The following TRPC5 variants were observed in gnomAD, a reference collection of about 807,000 sequenced individuals.
TRPC5 encodes short transient receptor potential channel 5.
TRPC5 carries 9 observed loss-of-function variants against 56.5 expected under a neutral mutation model. The observed-to-expected ratio is 0.16, with a 90% confidence interval of 0.10 to 0.28. The LOEUF is 0.28. Among genes scored for constraint, TRPC5 ranks in the 10% least tolerant of loss-of-function variants. The pLI is 1.00. For missense variants in TRPC5, 469 were observed against 748.9 expected, an observed-to-expected ratio of 0.63 and a Z score of 4.36; for synonymous variants, 282 against 278.5, an observed-to-expected ratio of 1.01 and a Z score of -0.13.
At chrX:112,059,386 G>A (rs944509770) in intron 1 of TRPC5, among the ~76,000 whole-genome samples, 3 of 112,353 alleles carry the variant, frequency 2.7e-5, no homozygotes, top group Admixed American at 1.9e-4. Flanking sequence ...GGGCAGCAGA[G>A]CTTCTCCTTG....
rs752665657 is a variant in TRPC5, at chrX:111,775,575, AACAC to A, written c.*734_*737del. On this transcript the variant is annotated 3_prime_UTR_variant, in exon 11 of 11. Transcript: ENST00000262839. ...TTTTCAAATGTAGTAAGTTAACTGA[AACAC>A]ACAAACAGAAAAATAATTCGCCTAA... 1.3e-4 allele frequency: 14 copies of A among 111,367 alleles called. No homozygotes were observed. Among genetic ancestry groups the A allele is most frequent in the African/African-American group, 4.3e-4 (13 of 30,146 alleles). 9.2% of individuals were successfully genotyped at this position (111,367 alleles called of 1,213,427 possible). A position where few individuals can be genotyped will look rare whatever the true frequency, so the allele number is the denominator to read the frequency against.
chrX:111,821,923 C>A (rs1289611685), intron 7 of TRPC5, among the ~76,000 whole-genome samples: 2 of 111,117 alleles, frequency 1.8e-5, no homozygotes, highest in African/African-American at 6.6e-5. Flanking sequence ...TCCGGGGTAC[C>A]CTTTGGTTGG....
intron 1 of TRPC5, among the ~76,000 whole-genome samples, chrX:111,966,104 A>G (rs1417502377): frequency 8.9e-6 from 1 of 111,746 alleles, no homozygotes; most frequent in Non-Finnish European, 1.9e-5. Flanking sequence ...AGAAGAAAAG[A>G]GAGAAGAATC....
At chrX:112,053,678 A>G (rs1286604349) in intron 1 of TRPC5, among the ~76,000 whole-genome samples, 1 of 110,793 alleles carries the variant, frequency 9.0e-6, no homozygotes, top group Non-Finnish European at 1.9e-5. Context: ...GAGATATAGG[A>G]AGGGGGAGGA....
In TRPC5 at chrX:111,770,494, TTAAC is replaced by T. The variant is rs1398618102; in HGVS notation, c.*5815_*5818del. Among the ~76,000 whole-genome samples the T allele has an allele frequency of 8.9e-6, 1 of 112,315 alleles. No individual in the cohort carries two copies. The highest frequency in any genetic ancestry group is 3.2e-5 in the African/African-American group (1 of 30,854). Reference sequence around the variant, plus strand: ...AGAAATGATGATGCTAATGTTTTAATTAACCATTTTAAATTATATTTTTAATTCA... The same window carrying T: ...AGAAATGATGATGCTAATGTTTTAATCATTTTAAATTATATTTTTAATTCA... On this transcript the variant is annotated 3_prime_UTR_variant, in exon 11 of 11. Transcript: ENST00000262839.
At chrX:111,816,701 G>A (rs1194931551) in intron 7 of TRPC5, among the ~76,000 whole-genome samples, 1 of 111,077 alleles carries the variant, frequency 9.0e-6, no homozygotes, top group African/African-American at 3.3e-5. Context: ...GTGGGGTAAT[G>A]GTGAAGGGAG....
chrX:111,966,988 G>T (rs1927608115), intron 1 of TRPC5, among the ~76,000 whole-genome samples: 1 of 111,351 alleles, frequency 9.0e-6, no homozygotes, highest in Non-Finnish European at 1.9e-5. Flanking sequence ...GGGCAATTAG[G>T]CAGGAGAAGG....
intron 1 of TRPC5, among the ~76,000 whole-genome samples, chrX:112,065,298 G>A (rs1382885526): frequency 9.0e-6 from 1 of 110,772 alleles, no homozygotes; most frequent in Non-Finnish European, 1.9e-5. Context: ...TTATCATCAC[G>A]CTTATCTTAA....
intron 4 of TRPC5, among the ~76,000 whole-genome samples, chrX:111,852,918 A>C (rs1923124553): frequency 9.1e-6 from 1 of 110,117 alleles, no homozygotes; most frequent in Non-Finnish European, 1.9e-5. Context: ...TGGGGCCCAA[A>C]ATAATTTATA....
intron 7 of TRPC5, among the ~76,000 whole-genome samples, chrX:111,808,025 T>A (rs1045051003): frequency 2.0e-5 from 2 of 98,436 alleles, no homozygotes; most frequent in Admixed American, 1.1e-4. Flanking sequence ...TGGGGGGAGG[T>A]AACACAAGCA....
chrX:111,884,661 A>C (rs1924387305), intron 3 of TRPC5, among the ~76,000 whole-genome samples: 1 of 112,982 alleles, frequency 8.9e-6, no homozygotes, highest in African/African-American at 3.2e-5. Context: ...AAGACCTGAG[A>C]CTAGTTAAGA....
chrX:111,942,165 T>G (rs1926798999), intron 2 of TRPC5, among the ~76,000 whole-genome samples: 1 of 111,413 alleles, frequency 9.0e-6, no homozygotes, highest in African/African-American at 3.3e-5. Flanking sequence ...TGTTTAATTG[T>G]TGTTTTCGTA....
chrX:112,046,378 A>G (rs1270247704), intron 1 of TRPC5, among the ~76,000 whole-genome samples: 2 of 110,378 alleles, frequency 1.8e-5, no homozygotes, highest in African/African-American at 6.6e-5. Context: ...CTTTACTGCA[A>G]TGAGCAGTTT....
At chrX:111,817,575 C>T (rs1473087699) in intron 7 of TRPC5, among the ~76,000 whole-genome samples, 6 of 110,285 alleles carry the variant, frequency 5.4e-5, no homozygotes, top group South Asian at 3.9e-4. Flanking sequence ...CTGCCCGCCT[C>T]GGCCTCCCAA....
At chrX:111,883,322 C>T (rs948563386) in intron 3 of TRPC5, among the ~76,000 whole-genome samples, 2 of 112,297 alleles carry the variant, frequency 1.8e-5, no homozygotes, top group Non-Finnish European at 3.8e-5. Context: ...GGGACCTATT[C>T]AGGGCCAATG....
intron 7 of TRPC5, among the ~76,000 whole-genome samples, chrX:111,793,042 C>T (rs1946034633): frequency 9.0e-6 from 1 of 111,277 alleles, no homozygotes; most frequent in Admixed American, 9.6e-5. Context: ...GGAAACTCAC[C>T]TAAACCTTCA....
intron 1 of TRPC5, among the ~76,000 whole-genome samples, chrX:111,960,596 C>T (rs534240804): frequency 1.1e-4 from 12 of 111,182 alleles, no homozygotes; most frequent in South Asian, 3.8e-4. Context: ...TAATAAGCAG[C>T]GTAATTCGTT....
At chrX:112,008,594 T>C (rs1928905608) in intron 1 of TRPC5, among the ~76,000 whole-genome samples, 2 of 94,813 alleles carry the variant, frequency 2.1e-5, no homozygotes, top group South Asian at 4.6e-4. Flanking sequence ...AGCAAGACTC[T>C]GTCTCAAAAA....
At chrX:111,832,275 T>A (rs1922430623) in intron 7 of TRPC5, among the ~76,000 whole-genome samples, 1 of 111,882 alleles carries the variant, frequency 8.9e-6, no homozygotes, top group African/African-American at 3.3e-5. Flanking sequence ...CATGGAACAT[T>A]GATAAAGAGC....
Sources: allele counts gnomAD v4.1 joint callset (sites outside exome capture counted in the v4.1 genomes callset), GRCh38; gene constraint gnomAD v4.1.1; transcripts MANE v1.5; gene names NCBI Gene and HGNC (gene_info 2026-07-23, HGNC 2026-07-21).